UTP18: variants seen among roughly 807,000 people sequenced by gnomAD.
The protein encoded by UTP18 is UTP18 small subunit processome component.
A neutral mutation model predicts 61.1 loss-of-function variants in UTP18; 36 were observed. The ratio of observed to expected loss-of-function variants is 0.59; its 90% CI spans 0.45 to 0.78. UTP18 has a LOEUF of 0.78. UTP18 is among the 30% of genes least tolerant of loss of function. UTP18 has a pLI of 0.00. For synonymous variants in UTP18, 282 were observed against 251.1 expected, an observed-to-expected ratio of 1.12 and a Z score of -1.16; for missense variants, 753 against 693.9, an observed-to-expected ratio of 1.09 and a Z score of -0.96.
Position 51,268,021 on chromosome 17 carries a change from T to G in UTP18, c.555-816T>G, listed in dbSNP as rs182038881. Among the ~76,000 whole-genome samples, 822 of 148,948 alleles carry G rather than the reference T, an allele frequency of 5.5e-3. 13 individuals are homozygous for G. Among genetic ancestry groups the G allele is most frequent in the African/African-American group, 0.018 (714 of 40,282 alleles). ...TTTTGTTTTTTGTTTTTTGTTTTTT[T>G]TTTTTTGAGATGGAGCCTGGCTCTG... On this transcript the variant is annotated intron_variant, in intron 3 of 13. Coordinates refer to ENST00000225298, the MANE Select transcript of UTP18 (RefSeq NM_016001.3).
intron 1 of UTP18, among the ~76,000 whole-genome samples, chr17:51,262,383 C>G (rs2055514414): frequency 1.3e-5 from 2 of 152,154 alleles, no homozygotes; most frequent in Admixed American, 6.5e-5. Flanking sequence ...CGCACCCGGC[C>G]TAGGTTTAGA....
chr17:51,282,342 G>A (rs1433274894), intron 9 of UTP18, among the ~76,000 whole-genome samples: 2 of 151,940 alleles, frequency 1.3e-5, no homozygotes, highest in Non-Finnish European at 2.9e-5. Context: ...TTTTGTTTTT[G>A]TCCTAGAATC....
intron 2 of UTP18, among the ~76,000 whole-genome samples, chr17:51,264,444 A>G (rs2055539276): frequency 6.6e-6 from 1 of 152,150 alleles, no homozygotes; most frequent in Non-Finnish European, 1.5e-5. Context: ...CTTAAGAAAG[A>G]TTCTTTGAGG....
chr17:51,289,718 G>C (rs1369309513), intron 11 of UTP18, among the ~76,000 whole-genome samples: 1 of 152,180 alleles, frequency 6.6e-6, no homozygotes, highest in Admixed American at 6.5e-5. Flanking sequence ...GCTGCTATGT[G>C]TGTACTACCA....
intron 4 of UTP18, among the ~76,000 whole-genome samples, chr17:51,269,976 C>G (rs560663462): frequency 1.3e-5 from 2 of 152,070 alleles, no homozygotes; most frequent in South Asian, 4.2e-4. Flanking sequence ...TTGTCTCAGC[C>G]ACCTGAGTAG....
rs550285561 is a variant in UTP18 at position 51,260,783 on chromosome 17, G to A, written c.199G>A (p.Glu67Lys). The part of the protein sequence containing the change: ...AAAAIAVAAA[E>K]EERRLRQRNR... ...CGCTGCGATTGCAGTCGCGGCGGCG[G>A]AGGAAGAGAGACGGCTCCGGCAGCG... Residue 67 changes from glutamate to lysine, a missense_variant, in exon 1 of 14, where the codon GAG becomes AAG. By Grantham distance (56) the Glu-to-Lys change is moderately conservative. Coordinates refer to ENST00000225298, the MANE Select transcript of UTP18 (RefSeq NM_016001.3). The A allele has an allele frequency of 2.8e-5, 44 of 1,579,016 alleles. No homozygotes were observed. In the South Asian group the frequency reaches 4.1e-4, roughly 15 times the overall value.
intron 1 of UTP18, among the ~76,000 whole-genome samples, chr17:51,261,361 CTA>C (rs1396882371): frequency 3.9e-5 from 6 of 152,240 alleles, no homozygotes; most frequent in Admixed American, 1.3e-4. Flanking sequence ...CCCCATGTGA[CTA>C]TGAGACCCAC....
chr17:51,271,629 A>G (rs1043456175), intron 4 of UTP18, among the ~76,000 whole-genome samples: 2 of 151,954 alleles, frequency 1.3e-5, no homozygotes, highest in Non-Finnish European at 2.9e-5. Context: ...GCTAATTTTG[A>G]TGTACTGTTA....
chr17:51,287,212 T>G (rs1455567992), intron 10 of UTP18, among the ~76,000 whole-genome samples: 2 of 152,212 alleles, frequency 1.3e-5, no homozygotes, highest in East Asian at 3.9e-4. Flanking sequence ...CTTAAACTCA[T>G]TTAATTTTAA....
chr17:51,273,525 T>G (rs1167019761), intron 5 of UTP18, 75 bp downstream of exon 5: 9 of 1,029,824 alleles, frequency 8.7e-6, no homozygotes, highest in African/African-American at 1.6e-5. Flanking sequence ...CAGTAGCAGA[T>G]GTATGGATTC....
intron 9 of UTP18, among the ~76,000 whole-genome samples, chr17:51,282,010 G>T (rs1483077741): frequency 6.6e-6 from 1 of 152,092 alleles, no homozygotes; most frequent in Non-Finnish European, 1.5e-5. Flanking sequence ...TGATTAACCT[G>T]CACTGTCCTG....
At chr17:51,284,912 T>G (rs942460637) in intron 9 of UTP18, among the ~76,000 whole-genome samples, 3 of 151,882 alleles carry the variant, frequency 2.0e-5, no homozygotes, top group African/African-American at 7.3e-5. Flanking sequence ...AATACAAAAA[T>G]TAACTACGCA....
intron 2 of UTP18, among the ~76,000 whole-genome samples, chr17:51,265,960 C>T (rs985940681): frequency 1.3e-5 from 2 of 152,140 alleles, no homozygotes; most frequent in Admixed American, 6.5e-5. Context: ...TGAATTTTCT[C>T]AAATAGTAGC....
chr17:51,283,308 A>G (rs1282441882), intron 9 of UTP18, among the ~76,000 whole-genome samples: 1 of 150,998 alleles, frequency 6.6e-6, no homozygotes, highest in Non-Finnish European at 1.5e-5. Flanking sequence ...AGCTGGGATT[A>G]CAGGCACACA....
chr17:51,268,343 G>T (rs1387821454), intron 3 of UTP18, among the ~76,000 whole-genome samples: 1 of 152,176 alleles, frequency 6.6e-6, no homozygotes, highest in African/African-American at 2.4e-5. Context: ...CAGTTCTTAC[G>T]AACACAGCTA....
rs543824658 is a variant in UTP18 at position 51,260,935 on chromosome 17, G to A, written c.342+9G>A. On this transcript the variant is annotated intron_variant, in intron 1 of 13. Transcript: ENST00000225298. Reference sequence around the variant, plus strand: ...GTCTGCGAGGCCCGAGGGTGAGGGAGGCCGCGGCGCGCGGGCTGGGCGCAC... The same window carrying A: ...GTCTGCGAGGCCCGAGGGTGAGGGAAGCCGCGGCGCGCGGGCTGGGCGCAC... 18 of 1,537,508 alleles carry A rather than the reference G, an allele frequency of 1.2e-5. No homozygotes were observed. In the African/African-American group the frequency reaches 2.3e-4, roughly 20 times the overall value.
intron 4 of UTP18, among the ~76,000 whole-genome samples, chr17:51,271,128 C>CTA (rs1430290881): frequency 1.3e-5 from 2 of 151,702 alleles, no homozygotes; most frequent in Non-Finnish European, 2.9e-5. Context: ...TTGTTTATCC[C>CTA]CTCTCCCTAT....
intron 10 of UTP18, among the ~76,000 whole-genome samples, chr17:51,286,984 C>T (rs1053234885): frequency 6.9e-6 from 1 of 145,062 alleles, no homozygotes; most frequent in Non-Finnish European, 1.5e-5. Context: ...CCCTTCCCCC[C>T]CCGACCCACA....
intron 5 of UTP18, among the ~76,000 whole-genome samples, chr17:51,273,739 TAATA>T (rs58946658): frequency 0.038 from 5,294 of 141,064 alleles, 312 homozygotes; most frequent in African/African-American, 0.13. Flanking sequence ...GTCTCTAAAA[TAATA>T]AATAAATAAA....
Sources: allele counts gnomAD v4.1 joint callset (sites outside exome capture counted in the v4.1 genomes callset), GRCh38; gene constraint gnomAD v4.1.1; transcripts MANE v1.5; gene names NCBI Gene and HGNC (gene_info 2026-07-23, HGNC 2026-07-21).